Variants in RBFOX1 observed in about 807,000 individuals in gnomAD.
RBFOX1 encodes RNA binding fox-1 homolog 1.
Under a neutral mutation model 57.7 loss-of-function variants are expected in RBFOX1, and 8 were observed. The ratio of observed to expected loss-of-function variants is 0.14; its 90% CI spans 0.08 to 0.25. The LOEUF is 0.25. Ranked by LOEUF, RBFOX1 falls within the 10% of genes least tolerant of loss-of-function variation. The pLI, the probability that RBFOX1 is intolerant of heterozygous loss-of-function variation, is 1.00. For missense variants in RBFOX1, 611 were observed against 548.5 expected (o/e 1.11, Z -1.14); for synonymous variants, 326 against 222.4 (o/e 1.47, Z -4.15).
At chr16:5,880,041 T>G (rs2057724649) in intron 4 of RBFOX1, among the ~76,000 whole-genome samples, 1 of 152,192 alleles carries the variant, frequency 6.6e-6, no homozygotes, top group Non-Finnish European at 1.5e-5. Flanking sequence ...GGTGTGCCAG[T>G]GAGGCCCGTG....
At chr16:7,435,968 A>G (rs1294119904) in intron 4 of RBFOX1, among the ~76,000 whole-genome samples, 1 of 152,162 alleles carries the variant, frequency 6.6e-6, no homozygotes, top group Non-Finnish European at 1.5e-5. Flanking sequence ...TCCTTTTATG[A>G]CATAGCGACC....
intron 3 of RBFOX1, among the ~76,000 whole-genome samples, chr16:7,012,722 T>A (rs2093711297): frequency 6.6e-6 from 1 of 152,206 alleles, no homozygotes; most frequent in Non-Finnish European, 1.5e-5. Context: ...TGCTTTGTAA[T>A]TGTTGGGAAG....
At chr16:5,338,847 TA>T (rs1459772193) in intron 1 of RBFOX1, among the ~76,000 whole-genome samples, 3 of 152,112 alleles carry the variant, frequency 2.0e-5, no homozygotes, top group Non-Finnish European at 4.4e-5. Context: ...GTTGGGGTCT[TA>T]CTATGTTTCC....
At position 5,285,790 on chromosome 16, in the gene RBFOX1, T is replaced by C. The variant is rs565414578; in HGVS notation, c.219+45685T>C. Among the ~76,000 whole-genome samples the C allele has an allele frequency of 3.3e-5, 5 of 152,278 alleles. No homozygotes were observed. In the South Asian group the frequency reaches 1.0e-3, roughly 32 times the overall value. On this transcript the variant is annotated intron_variant, in intron 1 of 2. Coordinates refer to the RBFOX1 transcript ENST00000585867. ...AGTTTTTTTTTGTTGTTGTCGTTGC[T>C]GAGATGGAGTCTTGCTCTGTCACCA...
At chr16:6,358,142 C>T (rs375922432) in intron 2 of RBFOX1, among the ~76,000 whole-genome samples, 10 of 152,056 alleles carry the variant, frequency 6.6e-5, no homozygotes, top group African/African-American at 2.4e-4. Context: ...TTGTGGAAGT[C>T]GTTTAACCTC....
intron 4 of RBFOX1, among the ~76,000 whole-genome samples, chr16:7,103,718 C>T (rs2063097106): frequency 6.6e-6 from 1 of 152,124 alleles, no homozygotes; most frequent in Non-Finnish European, 1.5e-5. Flanking sequence ...ATGCCTCATA[C>T]AGGACAAACT....
rs565269553 is a variant in RBFOX1 at position 6,853,120 on chromosome 16, A to T, written c.-16+198470A>T. On this transcript the variant is annotated intron_variant, in intron 3 of 15. Coordinates refer to ENST00000550418, the MANE Select transcript of RBFOX1 (RefSeq NM_018723.4). The stretch of plus-strand genomic sequence containing the variant: ...CTCCCTCCATATATACTACCTAATG[A>T]TTGTGCGAACTTGGGAAAGCTGCTT... Among the ~76,000 whole-genome samples, 5 of 152,150 alleles carry T rather than the reference A, an allele frequency of 3.3e-5. No homozygotes were observed. The East Asian group carries it at 9.7e-4, about 29-fold the overall frequency.
intron 4 of RBFOX1, among the ~76,000 whole-genome samples, chr16:7,092,793 C>G (rs960706246): frequency 6.6e-6 from 1 of 152,170 alleles, no homozygotes; most frequent in Non-Finnish European, 1.5e-5. Context: ...TTGCAGTTCA[C>G]AAGTTTGGTA....
intron 1 of RBFOX1, among the ~76,000 whole-genome samples, chr16:6,158,602 C>T (rs1015879220): frequency 1.3e-5 from 2 of 152,134 alleles, no homozygotes; most frequent in African/African-American, 2.4e-5. Context: ...TAAATTGTTT[C>T]ATTAAGCAAA....
At chr16:5,986,439 TC>T (rs2060288044) in intron 4 of RBFOX1, among the ~76,000 whole-genome samples, 1 of 152,200 alleles carries the variant, frequency 6.6e-6, no homozygotes, top group Non-Finnish European at 1.5e-5. Flanking sequence ...TTACCCAGTT[TC>T]TCCCAGTGTC....
intron 3 of RBFOX1, among the ~76,000 whole-genome samples, chr16:5,642,577 T>G (rs916446516): frequency 1.3e-5 from 2 of 152,136 alleles, no homozygotes; most frequent in South Asian, 2.1e-4. Context: ...GGTGCGGTGA[T>G]TGGAGATTGT....
At chr16:7,003,225 C>T (rs2092990288) in intron 3 of RBFOX1, among the ~76,000 whole-genome samples, 3 of 151,950 alleles carry the variant, frequency 2.0e-5, no homozygotes, top group Admixed American at 6.6e-5. Context: ...CTTTGGGAGG[C>T]CGAGGTGGGT....
At chr16:5,792,099 A>G (rs2054721800) in intron 3 of RBFOX1, among the ~76,000 whole-genome samples, 1 of 152,190 alleles carries the variant, frequency 6.6e-6, no homozygotes, top group African/African-American at 2.4e-5. Flanking sequence ...TGATTCCCTT[A>G]AGAGCTAGTT....
At chr16:5,579,203 T>C (rs2046576592) in intron 2 of RBFOX1, among the ~76,000 whole-genome samples, 1 of 151,980 alleles carries the variant, frequency 6.6e-6, no homozygotes, top group Non-Finnish European at 1.5e-5. Context: ...CCCACCCAAC[T>C]TGCACTTCCA....
chr16:5,958,191 A>C (rs1384004630), intron 4 of RBFOX1, among the ~76,000 whole-genome samples: 1 of 152,192 alleles, frequency 6.6e-6, no homozygotes, highest in Non-Finnish European at 1.5e-5. Flanking sequence ...CTCAATACTT[A>C]TCAAAGGGGT....
chr16:5,649,623 C>G (rs546920948), intron 3 of RBFOX1, among the ~76,000 whole-genome samples: 1 of 152,220 alleles, frequency 6.6e-6, no homozygotes, highest in African/African-American at 2.4e-5. Flanking sequence ...CTGAGAGATG[C>G]AGCCTCTGTC....
chr16:6,684,812 A>G (rs559478891), intron 3 of RBFOX1, among the ~76,000 whole-genome samples: 2 of 152,298 alleles, frequency 1.3e-5, no homozygotes, highest in African/African-American at 4.8e-5. Flanking sequence ...TCCTTAAAGC[A>G]TTTCTTTTTT....
chr16:7,602,509 C>G (rs1335643725), intron 9 of RBFOX1, among the ~76,000 whole-genome samples: 2 of 152,174 alleles, frequency 1.3e-5, no homozygotes, highest in South Asian at 2.1e-4. Context: ...GGGACATACA[C>G]AAACTGCCTA....
intron 2 of RBFOX1, among the ~76,000 whole-genome samples, chr16:6,531,574 AC>A (rs1253906746): frequency 6.6e-6 from 1 of 152,148 alleles, no homozygotes; most frequent in Non-Finnish European, 1.5e-5. Context: ...TTGTTTTAAA[AC>A]AGCTACCTAG....
Sources: gnomAD v4.1 joint callset for allele counts (sites outside exome capture counted in the v4.1 genomes callset) on GRCh38, gnomAD v4.1.1 for gene constraint, MANE v1.5 for transcripts, NCBI Gene and HGNC (gene_info 2026-07-23, HGNC 2026-07-21) for gene names.